Variants in VAT1L observed in about 807,000 individuals in gnomAD.
VAT1L encodes vesicle amine transport 1 like.
VAT1L carries 34 observed loss-of-function variants against 44.1 expected under a neutral mutation model. That is an observed-to-expected ratio of 0.77 (90% confidence interval 0.59 to 1.03). The LOEUF (loss-of-function observed/expected upper bound fraction) is 1.03. Among genes scored for constraint, VAT1L ranks in the 50% least tolerant of loss-of-function variants. The pLI, the probability that VAT1L is intolerant of heterozygous loss-of-function variation, is 0.00. For synonymous variants in VAT1L, 253 were observed against 202.2 expected (o/e 1.25, Z -2.13); for missense variants, 615 against 538.8 (o/e 1.14, Z -1.40).
chr16:77,934,902 T>A (rs975061520), intron 7 of VAT1L, among the ~76,000 whole-genome samples: 2 of 152,134 alleles, frequency 1.3e-5, no homozygotes, highest in Non-Finnish European at 2.9e-5. Context: ...GTGGATGAAT[T>A]TGCAGGATGG....
intron 2 of VAT1L, among the ~76,000 whole-genome samples, chr16:77,821,958 G>A (rs771587819): frequency 6.6e-6 from 1 of 152,162 alleles, no homozygotes; most frequent in Non-Finnish European, 1.5e-5. Flanking sequence ...AAAAGCATAA[G>A]GGTGTGAGCA....
At chr16:77,930,457 G>T (rs183309268) in intron 7 of VAT1L, among the ~76,000 whole-genome samples, 97 of 152,292 alleles carry the variant, frequency 6.4e-4, no homozygotes, top group African/African-American at 2.3e-3. Context: ...ATGGCTCTCT[G>T]CAGTGGCAGG....
intron 7 of VAT1L, among the ~76,000 whole-genome samples, chr16:77,909,296 C>A (rs920026962): frequency 6.7e-6 from 1 of 148,968 alleles, no homozygotes; most frequent in Non-Finnish European, 1.5e-5. Context: ...TCTTCTAAAT[C>A]TTACCTCCTC....
chr16:77,848,219 A>G (rs190959187), intron 3 of VAT1L, among the ~76,000 whole-genome samples: 57 of 152,320 alleles, frequency 3.7e-4, no homozygotes, highest in African/African-American at 1.3e-3. Flanking sequence ...GTGCCTCAAA[A>G]TAGAACGGGC....
chr16:77,967,586 C>T (rs1297644142), intron 7 of VAT1L, among the ~76,000 whole-genome samples: 3 of 152,104 alleles, frequency 2.0e-5, no homozygotes, highest in Non-Finnish European at 2.9e-5. Context: ...CCATCCTTTC[C>T]GTAAGGGACT....
intron 7 of VAT1L, among the ~76,000 whole-genome samples, chr16:77,943,326 C>CGATTACA (rs1158109969): frequency 6.6e-6 from 1 of 151,004 alleles, no homozygotes; most frequent in Non-Finnish European, 1.5e-5. Flanking sequence ...CAAAGTGCTG[C>CGATTACA]GATTACAGAT....
intron 7 of VAT1L, among the ~76,000 whole-genome samples, chr16:77,920,377 G>C (rs1406073688): frequency 6.6e-6 from 1 of 152,162 alleles, no homozygotes; most frequent in Non-Finnish European, 1.5e-5. Flanking sequence ...CAATGCAGGA[G>C]AAGGAAGCAG....
intron 3 of VAT1L, among the ~76,000 whole-genome samples, chr16:77,849,606 G>A (rs1372248968): frequency 1.3e-5 from 2 of 152,194 alleles, no homozygotes; most frequent in Non-Finnish European, 2.9e-5. Flanking sequence ...GGAAACAGCG[G>A]GACATAGAGC....
chr16:77,882,462 G>A (rs1269981657), intron 6 of VAT1L: 2 of 152,224 alleles, frequency 1.3e-5, no homozygotes, highest in African/African-American at 4.8e-5. Flanking sequence ...TAAAAGTGGT[G>A]TATGTTTATA....
chr16:77,902,734 G>T (rs12928768), intron 7 of VAT1L, among the ~76,000 whole-genome samples: 2 of 127,006 alleles, frequency 1.6e-5, no homozygotes, highest in African/African-American at 3.0e-5. Flanking sequence ...TGGGGGGGTG[G>T]GGGGGGTGTG....
At chr16:77,947,420 T>G (rs1184713343) in intron 7 of VAT1L, among the ~76,000 whole-genome samples, 1 of 152,182 alleles carries the variant, frequency 6.6e-6, no homozygotes, top group East Asian at 1.9e-4. Flanking sequence ...TGTCTCAGCA[T>G]CCTACCTCAA....
intron 1 of VAT1L, among the ~76,000 whole-genome samples, chr16:77,802,638 A>G (rs896913861): frequency 6.9e-6 from 1 of 144,492 alleles, no homozygotes; most frequent in African/African-American, 2.5e-5. Context: ...ACACACACAC[A>G]CACACACACA....
At chr16:77,794,560 A>G (rs1460653238) in intron 1 of VAT1L, among the ~76,000 whole-genome samples, 1 of 152,254 alleles carries the variant, frequency 6.6e-6, no homozygotes, top group Non-Finnish European at 1.5e-5. Flanking sequence ...ACAGAGCATT[A>G]AACTGTCACC....
chr16:77,920,303 G>A (rs2017597973), intron 7 of VAT1L, among the ~76,000 whole-genome samples: 2 of 152,102 alleles, frequency 1.3e-5, no homozygotes, highest in African/African-American at 4.8e-5. Context: ...ATGTTCAAAA[G>A]GTGGAGGAAA....
chr16:77,933,557 G>A (rs1480944808), intron 7 of VAT1L, among the ~76,000 whole-genome samples: 1 of 152,142 alleles, frequency 6.6e-6, no homozygotes, highest in Non-Finnish European at 1.5e-5. Context: ...ATTTCAGAAA[G>A]AAAAATAAAA....
chr16:77,799,175 C>G (rs1032416205), intron 1 of VAT1L, among the ~76,000 whole-genome samples: 2 of 151,924 alleles, frequency 1.3e-5, no homozygotes, highest in African/African-American at 4.8e-5. Flanking sequence ...ATACCAGCCC[C>G]TGGAGATCTC....
In VAT1L at chr16:77,904,929, C is replaced by G. The variant is rs2017423728; in HGVS notation, c.1077+20127C>G. ...CACCTACTATTTACCAAGCCTGGGA[C>G]AAGGCCATGAAGAGTTAGAAAATCA... On this transcript the variant is annotated intron_variant, in intron 7 of 8. Coordinates refer to ENST00000302536, the MANE Select transcript of VAT1L (RefSeq NM_020927.3). 3.9e-5 allele frequency among the ~76,000 whole-genome samples: 6 copies of G among 151,970 alleles called. No individual in the cohort carries two copies. In the South Asian group the frequency reaches 1.2e-3, roughly 32 times the overall value.
chr16:77,916,717 A>T (rs2017555726), intron 7 of VAT1L, among the ~76,000 whole-genome samples: 1 of 152,032 alleles, frequency 6.6e-6, no homozygotes, highest in Admixed American at 6.5e-5. Context: ...TCTCTAAAGA[A>T]TCTATGCTGG....
intron 4 of VAT1L, among the ~76,000 whole-genome samples, chr16:77,867,615 T>C (rs2016988891): frequency 6.6e-6 from 1 of 152,094 alleles, no homozygotes; most frequent in Non-Finnish European, 1.5e-5. Flanking sequence ...TCCAGGACTT[T>C]AGGGAGGCCG....
Sources: allele counts gnomAD v4.1 joint callset (sites outside exome capture counted in the v4.1 genomes callset), GRCh38; gene constraint gnomAD v4.1.1; transcripts MANE v1.5; gene names NCBI Gene and HGNC (gene_info 2026-07-23, HGNC 2026-07-21).